MLST8: variants seen among roughly 807,000 people sequenced by gnomAD.
MLST8 encodes the protein MTOR associated protein MLST8.
In MLST8, 20 loss-of-function variants were observed where a neutral mutation model predicts 41.3. The ratio of observed to expected loss-of-function variants is 0.48; its 90% confidence interval spans 0.34 to 0.70. MLST8 has a LOEUF of 0.70. Ranked by LOEUF, MLST8 falls within the 30% of genes least tolerant of loss-of-function variation. MLST8 has a pLI of 0.01. For missense variants in MLST8, 422 were observed against 454.3 expected, an observed-to-expected ratio of 0.93 and a Z score of 0.65; for synonymous variants, 243 against 183.0, an observed-to-expected ratio of 1.33 and a Z score of -2.65.
In MLST8 at chr16:2,208,904, G is replaced by A. The variant is rs981732923; in HGVS notation, c.*27G>A. ...CTGTGACCCCTCGGGACTGCCTGGTGCAGGTGGTGGCAGCTGGAGGGACCC... is the reference window on the plus strand; with the variant it reads ...CTGTGACCCCTCGGGACTGCCTGGTACAGGTGGTGGCAGCTGGAGGGACCC... On this transcript the variant is annotated 3_prime_UTR_variant, in exon 9 of 9. Transcript: ENST00000569417. 1 of 1,609,170 alleles carries A rather than the reference G, an allele frequency of 6.2e-7. No individual in the cohort carries two copies. Among genetic ancestry groups the A allele is most frequent in the African/African-American group, 1.3e-5 (1 of 75,028 alleles).
Position 2,208,263 on chromosome 16 carries a change from G to A in MLST8, c.627G>A (p.Gln209=). Residue 209 remains glutamine, a synonymous_variant, in exon 7 of 9, where the codon CAG becomes CAA. Coordinates refer to ENST00000569417, the MANE Select transcript of MLST8 (RefSeq NM_022372.6). ...GGGGCATTGGTGACGAGGTGACCCAGCTCATCCCCAAGACTAAGATCCCTG... is the reference window on the plus strand; with the variant it reads ...GGGGCATTGGTGACGAGGTGACCCAACTCATCCCCAAGACTAAGATCCCTG... The part of the protein sequence containing the change: ...LTGGIGDEVT[Q]LIPKTKIPAH... 1 of 1,613,632 alleles carries A rather than the reference G, an allele frequency of 6.2e-7. No homozygotes were observed. The highest frequency in any genetic ancestry group is 1.1e-5 in the South Asian group (1 of 91,076).
At position 2,209,040 on chromosome 16, in the gene MLST8, G is replaced by T. The variant is rs111783594; in HGVS notation, c.*163G>T. 1,676 of 749,368 alleles carry T rather than the reference G, an allele frequency of 2.2e-3. 19 individuals are homozygous for T. In the African/African-American group the frequency reaches 0.026, roughly 12 times the overall value. 46.4% of individuals were successfully genotyped at this position (749,368 alleles called of 1,614,324 possible). On this transcript the variant is annotated 3_prime_UTR_variant, in exon 9 of 9. Transcript: ENST00000569417. ...GGGCCAGGCTGCCCTGGGACTCTCA[G>T]CCCCCAGTTGCTTATCCAGATGTGA...
chr16:2,209,224 C>T lies in MLST8; in HGVS notation c.*347C>T, dbSNP rs561819762. 3.2e-5 allele frequency: 27 copies of T among 839,576 alleles called. No individual in the cohort carries two copies. In the African/African-American group the frequency reaches 4.4e-4, roughly 14 times the overall value. The allele number at this position is 839,576 out of a possible 1,614,324, so 52.0% of individuals were successfully genotyped here. Reference sequence around the variant, plus strand: ...CCCCTCCCTGCCCGCGTTTCAGGGCCTCGGTCCATAGAGAACACCACCACC... The same window carrying T: ...CCCCTCCCTGCCCGCGTTTCAGGGCTTCGGTCCATAGAGAACACCACCACC... On this transcript the variant is annotated 3_prime_UTR_variant, in exon 9 of 9. Coordinates refer to ENST00000569417, the MANE Select transcript of MLST8 (RefSeq NM_022372.6).
Position 2,206,546 on chromosome 16 carries a change from C to T in MLST8, c.231C>T (p.Pro77=). The change falls in exon 4 of 9, where the codon CCC becomes CCT. Residue 77 remains proline, a synonymous_variant. Coordinates refer to ENST00000569417, the MANE Select transcript of MLST8 (RefSeq NM_022372.6). The part of the protein sequence containing the change: ...MYDLNSNNPN[P]IISYDGVNKN... ...ATCTCAACTCCAATAACCCTAACCC[C>T]ATCATCAGCTACGACGGCGTCAACA... 2.5e-6 allele frequency: 4 copies of T among 1,613,982 alleles called. No individual in the cohort carries two copies. Among genetic ancestry groups the T allele is most frequent in the Non-Finnish European group, 3.4e-6 (4 of 1,179,914 alleles).
At chr16:2,207,463 G>T (rs2093314968) in intron 6 of MLST8, 118 bp downstream of exon 6, 5 of 1,299,440 alleles carry the variant, frequency 3.8e-6, no homozygotes, top group South Asian at 1.4e-5. Context: ...CCCATCCCGG[G>T]CACTAACACC....
intron 4 of MLST8, 87 bp downstream of exon 4, chr16:2,206,746 C>A: frequency 6.8e-7 from 1 of 1,479,894 alleles, no homozygotes; most frequent in Non-Finnish European, 9.3e-7. Flanking sequence ...CAAGCAGAGG[C>A]TGAGACAGGG....
In MLST8 at chr16:2,208,295, C is replaced by T. The variant is rs761521532; in HGVS notation, c.659C>T (p.Thr220Met). The T allele has an allele frequency of 6.6e-5, 107 of 1,612,944 alleles. No individual in the cohort carries two copies. The highest frequency in any genetic ancestry group is 1.4e-4 in the South Asian group (13 of 91,060). Residue 220 changes from threonine to methionine, a missense_variant, in exon 7 of 9, where the codon ACG becomes ATG. Thr to Met is a moderately conservative substitution (Grantham distance 81, BLOSUM62 -1). Transcript: ENST00000569417. ...LIPKTKIPAH[T>M]RYALQCRFSP... The stretch of plus-strand genomic sequence containing the variant: ...CCCAAGACTAAGATCCCTGCCCACA[C>T]GCGCTACGCCCTGCAGTGTCGCTTC...
chr16:2,206,409 G>A lies in MLST8; in HGVS notation c.181G>A (p.Gly61Ser). Residue 61 changes from glycine to serine, a missense_variant and splice_region_variant, in exon 3 of 9, where the codon GGT (glycine) becomes AGT (serine). By Grantham distance (56) the Gly-to-Ser change is moderately conservative. Transcript: ENST00000569417. ...TPDRSMIAAA[G>S]YQHIRMYDLN... The stretch of plus-strand genomic sequence containing the variant: ...GGACCGCAGCATGATTGCTGCTGCA[G>A]GTATCTGTGATCCTTGATCTCTAAA... 6.2e-7 allele frequency: 1 copy of A among 1,614,164 alleles called. No individual in the cohort carries two copies. Among genetic ancestry groups the A allele is most frequent in the Non-Finnish European group, 8.5e-7 (1 of 1,180,020 alleles).
chr16:2,209,201 C>T lies in MLST8; in HGVS notation c.*324C>T, dbSNP rs1278542165. ...CCCCCAAGCTAGTGTGTTCTCTGCCCCTCCCTGCCCGCGTTTCAGGGCCTC... is the reference window on the plus strand; with the variant it reads ...CCCCCAAGCTAGTGTGTTCTCTGCCTCTCCCTGCCCGCGTTTCAGGGCCTC... On this transcript the variant is annotated 3_prime_UTR_variant, in exon 9 of 9. Transcript: ENST00000569417. The T allele has an allele frequency of 5.5e-6, 4 of 724,958 alleles. No individual in the cohort carries two copies. Among genetic ancestry groups the T allele is most frequent in the African/African-American group, 3.6e-5 (2 of 56,104 alleles). 44.9% of individuals were successfully genotyped at this position (724,958 alleles called of 1,614,324 possible).
At chr16:2,206,716 G>T (rs1447498903) in intron 4 of MLST8, 57 bp downstream of exon 4, 1 of 1,582,478 alleles carries the variant, frequency 6.3e-7, no homozygotes, top group Admixed American at 1.7e-5. Context: ...CTGGGAGACC[G>T]TTTTAGGTTG....
rs2093353601 is a variant in MLST8 at position 2,208,964 on chromosome 16, C to G, written c.*87C>G. The G allele has an allele frequency of 1.5e-5, 21 of 1,430,814 alleles. No homozygotes were observed. In the South Asian group the frequency reaches 2.3e-4, roughly 16 times the overall value. 88.6% of individuals were successfully genotyped at this position (1,430,814 alleles called of 1,614,324 possible). ...CCAGGTCAGAGCAGACCCTCCCCTG[C>G]CGGCCTGCGCCAGCTGGACCTGATG... On this transcript the variant is annotated 3_prime_UTR_variant, in exon 9 of 9. Coordinates refer to ENST00000569417, the MANE Select transcript of MLST8 (RefSeq NM_022372.6).
intron 6 of MLST8, chr16:2,207,743 C>T (rs574482028): frequency 3.1e-5 from 8 of 256,886 alleles, no homozygotes; most frequent in African/African-American, 1.1e-4. Context: ...AGCCAGGTGG[C>T]GTCATTCCCC....
chr16:2,208,062 T>C, intron 6 of MLST8, 148 bp from the exon 7 acceptor site: 1 of 903,334 alleles, frequency 1.1e-6, no homozygotes, highest in South Asian at 2.0e-5. Flanking sequence ...CCCAGGTGCC[T>C]TCTGCAGGCA....
chr16:2,206,763 C>T, intron 4 of MLST8, 104 bp downstream of exon 4: 3 of 1,323,604 alleles, frequency 2.3e-6, no homozygotes, highest in Non-Finnish European at 1.1e-6. Flanking sequence ...AGGGAGCTTC[C>T]TGTGGGCGAC....
intron 4 of MLST8, 50 bp from the exon 5 acceptor site, chr16:2,206,985 G>A (rs1365024769): frequency 6.2e-7 from 1 of 1,604,592 alleles, no homozygotes; most frequent in Non-Finnish European, 8.5e-7. Context: ...CATCTGGGTA[G>A]GGCACCAACA....
At chr16:2,206,904 C>T in intron 4 of MLST8, 131 bp from the exon 5 acceptor site, 1 of 1,256,298 alleles carries the variant, frequency 8.0e-7, no homozygotes, top group South Asian at 1.3e-5. Context: ...AGCAGAGGGC[C>T]CTGCGTCCCA....
In MLST8 at chr16:2,209,409, G is replaced by A. The variant is rs111384111; in HGVS notation, c.*532G>A. ...CAGACCGACACGCAGATGTTGCTCG[G>A]GAAGCAGATGTCGATGCAGAGATAA... On this transcript the variant is annotated 3_prime_UTR_variant, in exon 9 of 9. Transcript: ENST00000569417. The A allele has an allele frequency of 4.0e-3, 6,433 of 1,613,858 alleles. 34 individuals are homozygous for A. The highest frequency in any genetic ancestry group is 9.7e-3 in the South Asian group (883 of 91,086).
In MLST8 at chr16:2,209,441, C is replaced by T. The variant is rs199768716; in HGVS notation, c.*564C>T. ...GATGTCGATGCAGAGATAAATCAGC[C>T]GCTGTCTCCGGGGCCCTGTGGCGAG... On this transcript the variant is annotated 3_prime_UTR_variant, in exon 9 of 9. Transcript: ENST00000569417. The T allele has an allele frequency of 5.6e-5, 91 of 1,613,746 alleles. No individual in the cohort carries two copies. The highest frequency in any genetic ancestry group is 2.2e-4 in the East Asian group (10 of 44,874).
In MLST8 at chr16:2,206,664, G is replaced by T. The variant is rs757074889; in HGVS notation, c.344+5G>T. ...AGCCAGGATCTGGGACCTCAGGTGC[G>T]GTGGGGAGGGGGCGTGCTGCCCGGG... is the stretch of plus-strand genomic sequence containing the variant. On this transcript the variant is annotated splice_donor_5th_base_variant and intron_variant, in intron 4 of 8. Transcript: ENST00000569417. 1 of 1,612,158 alleles carries T rather than the reference G, an allele frequency of 6.2e-7. No homozygotes were observed.
Sources: gnomAD v4.1 joint callset for allele counts on GRCh38, gnomAD v4.1.1 for gene constraint, MANE v1.5 for transcripts, NCBI Gene and HGNC (gene_info 2026-07-23, HGNC 2026-07-21) for gene names.